KDM4C: variants seen among roughly 807,000 people sequenced by gnomAD.
KDM4C encodes lysine demethylase 4C.
KDM4C carries 81 observed loss-of-function variants against 129.3 expected under a neutral mutation model. The ratio of observed to expected loss-of-function variants is 0.63; its 90% CI spans 0.52 to 0.75. The LOEUF (loss-of-function observed/expected upper bound fraction) is 0.75. Ranked by LOEUF, KDM4C falls within the 30% of genes least tolerant of loss-of-function variation. The pLI is 0.00. For missense variants in KDM4C, 1,457 were observed against 1,304.0 expected, an observed-to-expected ratio of 1.12 and a Z score of -1.81; for synonymous variants, 573 against 456.1, an observed-to-expected ratio of 1.26 and a Z score of -3.26.
intron 1 of KDM4C, among the ~76,000 whole-genome samples, chr9:6,729,930 C>T (rs62566469): frequency 2.3e-5 from 3 of 132,620 alleles, no homozygotes; most frequent in African/African-American, 3.2e-5. Context: ...GCCAACATGG[C>T]GAAAATTAAT....
At chr9:6,733,911 A>T (rs1436230423) in intron 1 of KDM4C, among the ~76,000 whole-genome samples, 1 of 152,138 alleles carries the variant, frequency 6.6e-6, no homozygotes, top group Non-Finnish European at 1.5e-5. Flanking sequence ...CTGAGAGTGT[A>T]GCAGTGAGGA....
chr9:6,990,770 A>C (rs1406081775), intron 12 of KDM4C, among the ~76,000 whole-genome samples: 1 of 152,210 alleles, frequency 6.6e-6, no homozygotes, highest in Non-Finnish European at 1.5e-5. Flanking sequence ...GGGTAAAATC[A>C]GTCAGCCTTG....
At chr9:6,947,749 A>G (rs1827237843) in intron 8 of KDM4C, among the ~76,000 whole-genome samples, 2 of 152,018 alleles carry the variant, frequency 1.3e-5, no homozygotes, top group South Asian at 4.1e-4. Context: ...CTTTAGAATC[A>G]TCTAGGGAGT....
At chr9:6,834,740 G>A (rs1588590245) in intron 4 of KDM4C, 2 of 1,007,502 alleles carry the variant, frequency 2.0e-6, no homozygotes, top group East Asian at 2.4e-5. Context: ...GGAGCTGCAT[G>A]TGGTTCCCGA....
chr9:6,760,188 A>G (rs1010766611), intron 1 of KDM4C, among the ~76,000 whole-genome samples: 4 of 151,872 alleles, frequency 2.6e-5, no homozygotes, highest in East Asian at 1.9e-4. Flanking sequence ...GACATTTTAT[A>G]TACATGGAAT....
intron 17 of KDM4C, among the ~76,000 whole-genome samples, chr9:7,083,874 G>A (rs899232247): frequency 6.6e-6 from 1 of 152,032 alleles, no homozygotes; most frequent in African/African-American, 2.4e-5. Flanking sequence ...AATTTGATTT[G>A]AATTCCTCAA....
intron 8 of KDM4C, among the ~76,000 whole-genome samples, chr9:6,929,478 T>C (rs910037789): frequency 1.4e-5 from 2 of 142,964 alleles, no homozygotes; most frequent in Non-Finnish European, 3.0e-5. Context: ...TTTCTTTTTT[T>C]TTTTTTTTTT....
chr9:6,835,313 A>T, intron 4 of KDM4C: 3 of 916,604 alleles, frequency 3.3e-6, no homozygotes, highest in Non-Finnish European at 5.5e-6. Context: ...TGTGATGTGG[A>T]CATCCACAAA....
chr9:6,878,812 C>T (rs1014442844), intron 5 of KDM4C, among the ~76,000 whole-genome samples: 1 of 152,050 alleles, frequency 6.6e-6, no homozygotes, highest in African/African-American at 2.4e-5. Flanking sequence ...CCCACACCCA[C>T]ACCCACACCC....
chr9:6,803,580 A>T (rs1034162656), intron 2 of KDM4C, among the ~76,000 whole-genome samples: 1 of 151,646 alleles, frequency 6.6e-6, no homozygotes, highest in African/African-American at 2.4e-5. Flanking sequence ...CAAAAAAAAA[A>T]AAAAAGTTTG....
intron 3 of KDM4C, among the ~76,000 whole-genome samples, chr9:6,808,058 G>A (rs1187772095): frequency 9.0e-5 from 8 of 88,626 alleles, no homozygotes; most frequent in African/African-American, 1.8e-4. Flanking sequence ...CTGCCCGGCC[G>A]CCCCTGCTGG....
chr9:6,761,371 A>T (rs977613120), intron 1 of KDM4C, among the ~76,000 whole-genome samples: 1 of 151,236 alleles, frequency 6.6e-6, no homozygotes, highest in African/African-American at 2.4e-5. Context: ...TGTAACTCTG[A>T]TGCCCAGGCT....
rs758487445 is a variant in KDM4C, at chr9:6,990,495, T to C, written c.1757T>C (p.Leu586Pro). 1 of 1,613,310 alleles carries C rather than the reference T, an allele frequency of 6.2e-7. No individual in the cohort carries two copies. The highest frequency in any genetic ancestry group is 1.1e-5 in the South Asian group (1 of 90,964). Residue 586 changes from leucine (L) to proline (P), a missense_variant, in exon 12 of 22, where the codon CTT becomes CCT. Leu to Pro is a moderately conservative substitution (Grantham distance 98). Transcript: ENST00000381309. ...CCTCCAGCAAGATCTCCGATGACTCTTGTGAAGCAGCAGGCGCCAAGTGAT... is the reference window on the plus strand; with the variant it reads ...CCTCCAGCAAGATCTCCGATGACTCCTGTGAAGCAGCAGGCGCCAAGTGAT... ...SRPPARSPMTLVKQQAPSDEE... is the reference protein window; with the variant it reads ...SRPPARSPMTPVKQQAPSDEE...
At chr9:6,876,784 C>T (rs1234628224) in intron 5 of KDM4C, among the ~76,000 whole-genome samples, 2 of 152,038 alleles carry the variant, frequency 1.3e-5, no homozygotes, top group Non-Finnish European at 2.9e-5. Flanking sequence ...TGTCTGTCAG[C>T]CTACACACAT....
At chr9:7,002,358 G>T (rs117531128) in intron 12 of KDM4C, among the ~76,000 whole-genome samples, 1,855 of 152,176 alleles carry the variant, frequency 0.012, 18 homozygotes, top group Middle Eastern at 0.024. Flanking sequence ...AATTTATGGG[G>T]TACAAAATGG....
chr9:6,998,249 C>T (rs1452177864), intron 12 of KDM4C, among the ~76,000 whole-genome samples: 1 of 152,166 alleles, frequency 6.6e-6, no homozygotes, highest in East Asian at 1.9e-4. Flanking sequence ...CTTGGGACGT[C>T]TGTATATATA....
intron 10 of KDM4C, 150 bp from the exon 11 acceptor site, chr9:6,986,194 T>G: frequency 6.7e-6 from 4 of 597,180 alleles, no homozygotes; most frequent in South Asian, 2.2e-5. Context: ...TGGGTACAAA[T>G]GAGGTTTGTT....
At chr9:6,841,813 A>G (rs1360059038) in intron 4 of KDM4C, among the ~76,000 whole-genome samples, 1 of 152,174 alleles carries the variant, frequency 6.6e-6, no homozygotes, top group African/African-American at 2.4e-5. Flanking sequence ...GTGCCTGGCA[A>G]ATGGCTAAGT....
chr9:7,014,195 A>G (rs111826181), intron 14 of KDM4C, 194 bp downstream of exon 14: 61 of 550,364 alleles, frequency 1.1e-4, no homozygotes, highest in African/African-American at 7.3e-4. Flanking sequence ...ACTTTCATGT[A>G]GTATCCGTGG....
Sources: gnomAD v4.1 joint callset for allele counts (sites outside exome capture counted in the v4.1 genomes callset) on GRCh38, gnomAD v4.1.1 for gene constraint, MANE v1.5 for transcripts, NCBI Gene and HGNC (gene_info 2026-07-23, HGNC 2026-07-21) for gene names.